Variants in BSN observed in about 807,000 individuals in gnomAD.
BSN encodes the protein bassoon presynaptic cytomatrix protein.
Under a neutral mutation model 264.8 loss-of-function variants are expected in BSN, and 57 were observed. That is an observed-to-expected ratio of 0.22 (90% confidence interval 0.17 to 0.27). The LOEUF is 0.27. Among genes scored for constraint, BSN ranks in the 10% least tolerant of loss-of-function variants. The pLI is 1.00. For missense variants in BSN, 4,615 were observed against 5,232.5 expected (o/e 0.88, Z 3.64); for synonymous variants, 2,059 against 2,137.3 (o/e 0.96, Z 1.01).
Position 49,651,546 on chromosome 3 carries a change from C to G in BSN, c.1990C>G (p.Leu664Val). 1 of 1,557,934 alleles carries G rather than the reference C, an allele frequency of 6.4e-7. No homozygotes were observed. Among genetic ancestry groups the G allele is most frequent in the Non-Finnish European group, 8.7e-7 (1 of 1,149,730 alleles). The change falls in exon 5 of 12, where the codon CTG becomes GTG. Residue 664 changes from leucine (L) to valine (V), a missense_variant. Around this residue, in one of 3 missense-constraint regions of BSN, gnomAD observed 1,197 missense variants for 1,348.0 expected, o/e 0.89. Transcript: ENST00000296452. This position sits in a 1 kb window ranked among gnomAD's most constrained non-coding sequence, Gnocchi z 5.4. ...EAPKGGEAEDLVGKPYSQDAS... is the reference protein window; with the variant it reads ...EAPKGGEAEDVVGKPYSQDAS... ...TCTGCTTTTCACCCTGCTGCAGGAC[C>G]TGGTGGGCAAGCCTTACTCTCAGGA...
At position 49,584,679 on chromosome 3, in the gene BSN, A is replaced by G. The variant is rs578017159; in HGVS notation, c.224+29853A>G. Among the ~76,000 whole-genome samples, 8 of 152,306 alleles carry G rather than the reference A, an allele frequency of 5.3e-5. No homozygotes were observed. In the East Asian group the frequency reaches 1.5e-3, roughly 29 times the overall value. ...TTTAAAAATATACAATTAAGTTATT[A>G]TTGACTATAGTCACCTTGTTGTGCT... On this transcript the variant is annotated intron_variant, in intron 1 of 11. Transcript: ENST00000296452.
In BSN at chr3:49,652,438, AGC is replaced by A; in HGVS notation, c.2883_2884del (p.Glu961AspfsTer11). The A allele has an allele frequency of 6.2e-7, 1 of 1,613,214 alleles. No homozygotes were observed. Among genetic ancestry groups the A allele is most frequent in the Non-Finnish European group, 8.5e-7 (1 of 1,179,638 alleles). ...GACCCCAGTCTGGACCGGGAGCCTG[AGC>A]TGGAGATGGAGAGCCTAACGGGCTC... is the stretch of plus-strand genomic sequence containing the variant. On this transcript the variant is annotated frameshift_variant, in exon 5 of 12. Coordinates refer to ENST00000296452, the MANE Select transcript of BSN (RefSeq NM_003458.4). LOFTEE classifies it high-confidence loss of function.
downstream of BSN, among the ~76,000 whole-genome samples, chr3:49,672,025 C>CTTTT (rs34710169): frequency 1.8e-4 from 18 of 100,426 alleles, no homozygotes; most frequent in East Asian, 4.1e-4. Flanking sequence ...GTTGCTAGAC[C>CTTTT]TTTTTTTTTT....
intron 1 of BSN, among the ~76,000 whole-genome samples, chr3:49,567,259 A>G (rs969633255): frequency 1.3e-5 from 2 of 152,144 alleles, no homozygotes; most frequent in Non-Finnish European, 2.9e-5. Flanking sequence ...ATTAGAAATG[A>G]TTCTACTCTG....
At chr3:49,617,448 T>C (rs1405140453) in intron 1 of BSN, among the ~76,000 whole-genome samples, 1 of 151,822 alleles carries the variant, frequency 6.6e-6, no homozygotes, top group Non-Finnish European at 1.5e-5. Context: ...CCCTCCTTGC[T>C]TACACACCCT....
rs1222344858 is a variant in BSN at position 49,651,626 on chromosome 3, C to G, written c.2070C>G (p.Ile690Met). 1 of 1,614,132 alleles carries G rather than the reference C, an allele frequency of 6.2e-7. No individual in the cohort carries two copies. The highest frequency in any genetic ancestry group is 1.7e-5 in the Admixed American group (1 of 60,020). Residue 690 changes from isoleucine (I) to methionine (M), a missense_variant, in exon 5 of 12, where the codon ATC (isoleucine) becomes ATG (methionine). Physicochemically the swap from Ile to Met is conservative, Grantham distance 10 (BLOSUM62 1). This residue lies in a region of BSN where 1,197 missense variants were observed against 1,348.0 expected (regional missense o/e 0.89). Coordinates refer to ENST00000296452, the MANE Select transcript of BSN (RefSeq NM_003458.4). The surrounding 1 kb of genome is among the most constrained non-coding windows in gnomAD (Gnocchi z 5.4). The part of the protein sequence containing the change: ...LSDTGYSSDG[I>M]SSSQSEITGV... ...ACACAGGCTATTCCTCTGACGGCATCTCTAGCTCCCAGAGTGAGATCACAG... is the reference window on the plus strand; with the variant it reads ...ACACAGGCTATTCCTCTGACGGCATGTCTAGCTCCCAGAGTGAGATCACAG...
chr3:49,581,882 T>A (rs1311391172), intron 1 of BSN, among the ~76,000 whole-genome samples: 1 of 152,114 alleles, frequency 6.6e-6, no homozygotes, highest in African/African-American at 2.4e-5. Flanking sequence ...AGGCATCTAC[T>A]GGGGGTCTTG....
At chr3:49,659,772 C>T (rs1009528861) in intron 5 of BSN, among the ~76,000 whole-genome samples, 2 of 152,104 alleles carry the variant, frequency 1.3e-5, no homozygotes, top group African/African-American at 4.8e-5. Context: ...ATAGGACTTA[C>T]GGGTGCACTG....
intron 8 of BSN, 40 bp downstream of exon 8, chr3:49,663,926 C>T (rs770105794): frequency 6.3e-7 from 1 of 1,585,906 alleles, no homozygotes. Context: ...TGGCCCAGAG[C>T]ACCCAGGCTG....
intron 1 of BSN, among the ~76,000 whole-genome samples, chr3:49,606,031 CATAAT>C (rs1447071926): frequency 1.2e-5 from 1 of 83,522 alleles, no homozygotes; most frequent in Non-Finnish European, 2.0e-5. Flanking sequence ...TATTTATATA[CATAAT>C]ATATTATATT....
rs1481890155 is a variant in BSN, at chr3:49,578,450, C to T, written c.224+23624C>T. On this transcript the variant is annotated intron_variant, in intron 1 of 11. Coordinates refer to ENST00000296452, the MANE Select transcript of BSN (RefSeq NM_003458.4). ...TAAGACGGAGTCTCGCTCTGTCGCT[C>T]AGCCTGGAGTGCAGTGGTGCGATCT... Among the ~76,000 whole-genome samples the T allele has an allele frequency of 2.0e-5, 3 of 151,630 alleles. No individual in the cohort carries two copies. The South Asian group carries it at 6.3e-4, about 32-fold the overall frequency.
rs1186656037 is a variant in BSN, at chr3:49,642,257, T to C, written c.634-11T>C. On this transcript the variant is annotated splice_polypyrimidine_tract_variant and intron_variant, in intron 2 of 11. Coordinates refer to ENST00000296452, the MANE Select transcript of BSN (RefSeq NM_003458.4). The surrounding 1 kb of genome is among the most constrained non-coding windows in gnomAD (Gnocchi z 7.0). ...TGGCCACCCTGCTGACTATTTTGCT[T>C]TTCTCCTCAGGTGAAGGAGTGGCTC... The C allele has an allele frequency of 3.3e-6, 5 of 1,510,874 alleles. No homozygotes were observed. The South Asian group carries it at 6.7e-5, about 20-fold the overall frequency. The allele number at this position is 1,510,874 out of a possible 1,614,324, so 93.6% of individuals were successfully genotyped here.
chr3:49,562,445 TAG>T (rs529610749), intron 1 of BSN, among the ~76,000 whole-genome samples: 359 of 152,306 alleles, frequency 2.4e-3, no homozygotes, highest in African/African-American at 8.2e-3. Context: ...TTCCTTAAAT[TAG>T]AGTTTGCTCC....
chr3:49,642,634 G>C lies in BSN; in HGVS notation c.1000G>C (p.Ala334Pro). Residue 334 changes from alanine to proline, a missense_variant, in exon 3 of 12, where the codon GCT (alanine) becomes CCT (proline). Ala to Pro is a conservative substitution (Grantham distance 27, BLOSUM62 -1). Coordinates refer to ENST00000296452, the MANE Select transcript of BSN (RefSeq NM_003458.4). The surrounding 1 kb of genome is among the most constrained non-coding windows in gnomAD (Gnocchi z 7.0). ...APAKSATAVP[A>P]GLGATEQTQE... The stretch of plus-strand genomic sequence containing the variant: ...GGCCAAAAGTGCCACCGCAGTGCCC[G>C]CTGGGCTTGGTGCCACTGAGCAGAC... 3 of 1,602,228 alleles carry C rather than the reference G, an allele frequency of 1.9e-6. No homozygotes were observed. Among genetic ancestry groups the C allele is most frequent in the Non-Finnish European group, 2.6e-6 (3 of 1,173,308 alleles).
At chr3:49,640,142 G>T (rs545925871) in intron 2 of BSN, among the ~76,000 whole-genome samples, 1 of 152,246 alleles carries the variant, frequency 6.6e-6, no homozygotes, top group African/African-American at 2.4e-5. Context: ...AGAACCTCTG[G>T]CTGCAACCAC....
chr3:49,603,568 A>T (rs2052088268), intron 1 of BSN, among the ~76,000 whole-genome samples: 1 of 152,196 alleles, frequency 6.6e-6, no homozygotes, highest in Non-Finnish European at 1.5e-5. Context: ...CAGGAAGAGG[A>T]TGAAGGTCTG....
rs768227077 is a variant in BSN at position 49,642,441 on chromosome 3, A to C, written c.807A>C (p.Pro269=). ...CAGACCAAGAGAGATCTCGGGGCCC[A>C]GGAGGACCACAGCCTGGGTCCCGCC... ...GKPDQERSRG[P]GGPQPGSRQA... Residue 269 remains proline (P), a synonymous_variant, in exon 3 of 12, where the codon CCA becomes CCC. Coordinates refer to ENST00000296452, the MANE Select transcript of BSN (RefSeq NM_003458.4). This position sits in a 1 kb window ranked among gnomAD's most constrained non-coding sequence, Gnocchi z 7.0. 134 of 1,597,942 alleles carry C rather than the reference A, an allele frequency of 8.4e-5. No individual in the cohort carries two copies. The highest frequency in any genetic ancestry group is 1.1e-4 in the Non-Finnish European group (130 of 1,172,798).
chr3:49,609,787 G>A (rs2052189794), intron 1 of BSN, among the ~76,000 whole-genome samples: 1 of 152,174 alleles, frequency 6.6e-6, no homozygotes, highest in Admixed American at 6.5e-5. Flanking sequence ...CTACTCTCAT[G>A]TCTCTGTACC....
rs10538409 is a variant in BSN, at chr3:49,575,658, GTATATA to G, written c.224+20847_224+20852del. On this transcript the variant is annotated intron_variant, in intron 1 of 11. Coordinates refer to ENST00000296452, the MANE Select transcript of BSN (RefSeq NM_003458.4). The stretch of plus-strand genomic sequence containing the variant: ...TATGTATATATATGTGTGTGTGTGT[GTATATA>G]TATATATATATATACAAGTAAGACA... Among the ~76,000 whole-genome samples the G allele has an allele frequency of 1.7e-4, 24 of 141,606 alleles. No individual in the cohort carries two copies. In the South Asian group the frequency reaches 3.1e-3, roughly 18 times the overall value. The allele number at this position is 141,606 out of a possible 152,430, so 92.9% of individuals were successfully genotyped here. A position where few individuals can be genotyped will look rare whatever the true frequency, so the allele number is the denominator to read the frequency against.
Sources: allele counts gnomAD v4.1 joint callset (sites outside exome capture counted in the v4.1 genomes callset), GRCh38; gene constraint gnomAD v4.1.1; regional missense constraint gnomAD v4.1.1; non-coding constraint Gnocchi (gnomAD v3.1); transcripts MANE v1.5; gene names NCBI Gene and HGNC (gene_info 2026-07-23, HGNC 2026-07-21).